Variants in PTPRD observed in about 807,000 individuals in gnomAD.
PTPRD encodes the protein receptor-type tyrosine-protein phosphatase delta.
Under a neutral mutation model 214.5 loss-of-function variants are expected in PTPRD, and 34 were observed. The ratio of observed to expected loss-of-function variants is 0.16; its 90% CI spans 0.12 to 0.21. PTPRD has a LOEUF of 0.21. Among genes scored for constraint, PTPRD ranks in the 10% least tolerant of loss-of-function variants. The probability of loss-of-function intolerance (pLI) is 1.00; values close to 1 mark genes in which losing one functional copy is unlikely to be tolerated. For synonymous variants in PTPRD, 1,128 were observed against 845.7 expected (o/e 1.33, Z -5.79); for missense variants, 2,545 against 2,398.7 (o/e 1.06, Z -1.27).
intron 3 of PTPRD, among the ~76,000 whole-genome samples, chr9:10,202,643 C>T (rs1233031292): frequency 7.6e-6 from 1 of 132,164 alleles, no homozygotes; most frequent in Non-Finnish European, 1.6e-5. Flanking sequence ...GCCATAGCAC[C>T]TGGATGCCTA....
intron 4 of PTPRD, among the ~76,000 whole-genome samples, chr9:9,979,146 G>C (rs1024912838): frequency 2.0e-5 from 3 of 151,884 alleles, no homozygotes; most frequent in Non-Finnish European, 4.4e-5. Context: ...TGTCCTTCAG[G>C]CAGAAGGAAT....
chr9:9,063,118 GA>G (rs1461006819), intron 10 of PTPRD, among the ~76,000 whole-genome samples: 2 of 152,072 alleles, frequency 1.3e-5, no homozygotes, highest in East Asian at 3.9e-4. Context: ...ATTGAGCTGG[GA>G]GTCAAGAGAT....
Position 8,376,100 on chromosome 9 carries a change from A to G in PTPRD, c.4507-10T>C, listed in dbSNP as rs1242321995. On this transcript the variant is annotated splice_polypyrimidine_tract_variant and intron_variant, in intron 38 of 45. Coordinates refer to ENST00000381196, the MANE Select transcript of PTPRD (RefSeq NM_002839.4). The stretch of plus-strand genomic sequence containing the variant: ...TCTCACTTGAACCATTCTGTGAAAT[A>G]GGAATATCAGCTGAAATTCTGTTTT... The G allele has an allele frequency of 1.2e-6, 2 of 1,611,478 alleles. No homozygotes were observed. The highest frequency in any genetic ancestry group is 1.7e-5 in the Admixed American group (1 of 59,704).
At chr9:9,342,878 C>G (rs188456550) in intron 9 of PTPRD, among the ~76,000 whole-genome samples, 1 of 152,068 alleles carries the variant, frequency 6.6e-6, no homozygotes, top group African/African-American at 2.4e-5. Flanking sequence ...ACCCCGCCAA[C>G]AGGCCCCAGT....
At chr9:8,930,908 G>C (rs1468153784) in intron 11 of PTPRD, among the ~76,000 whole-genome samples, 1 of 152,218 alleles carries the variant, frequency 6.6e-6, no homozygotes, top group South Asian at 2.1e-4. Context: ...CCATTCTGTA[G>C]GTCGCCTGTC....
chr9:9,215,843 A>G (rs1034465990), intron 9 of PTPRD, among the ~76,000 whole-genome samples: 24 of 152,326 alleles, frequency 1.6e-4, no homozygotes, highest in Middle Eastern at 3.4e-3. Context: ...CCACAACAGT[A>G]AAATAGTACA....
intron 2 of PTPRD, among the ~76,000 whole-genome samples, chr9:10,525,188 T>C (rs2053866460): frequency 6.6e-6 from 1 of 152,072 alleles, no homozygotes. Flanking sequence ...ATCAGATTTG[T>C]CAAGCCATAT....
chr9:8,629,317 C>G (rs1366538672), intron 14 of PTPRD, among the ~76,000 whole-genome samples: 5 of 151,810 alleles, frequency 3.3e-5, no homozygotes, highest in Non-Finnish European at 7.4e-5. Flanking sequence ...ATGGTGATAT[C>G]TCATTTTCCC....
At chr9:8,537,462 G>A (rs1026602352) in intron 14 of PTPRD, among the ~76,000 whole-genome samples, 2 of 151,906 alleles carry the variant, frequency 1.3e-5, no homozygotes, top group Admixed American at 1.3e-4. Context: ...GGTCCTCTTT[G>A]CAAGTTATTA....
At chr9:8,740,207 T>G (rs1297962287) in intron 11 of PTPRD, among the ~76,000 whole-genome samples, 1 of 152,166 alleles carries the variant, frequency 6.6e-6, no homozygotes, top group East Asian at 1.9e-4. Context: ...AATAAGTGGT[T>G]GAGTATATAA....
intron 3 of PTPRD, among the ~76,000 whole-genome samples, chr9:10,257,399 G>A (rs887629873): frequency 2.6e-5 from 4 of 152,036 alleles, no homozygotes; most frequent in Non-Finnish European, 5.9e-5. Context: ...GCAAACCAGG[G>A]GCATCCTTCT....
intron 14 of PTPRD, among the ~76,000 whole-genome samples, chr9:8,620,805 G>T (rs775670809): frequency 6.6e-6 from 1 of 151,944 alleles, no homozygotes; most frequent in Non-Finnish European, 1.5e-5. Context: ...TCTATATTAA[G>T]CCATGGAGGA....
At chr9:8,557,455 T>TATATATACACACACACATACACATAC in intron 14 of PTPRD, among the ~76,000 whole-genome samples, 1 of 135,640 alleles carries the variant, frequency 7.4e-6, no homozygotes, top group African/African-American at 3.5e-5. Context: ...TATATATATA[T>TATATATACACACACACATACACATAC]ATTTGGGCCG....
intron 2 of PTPRD, among the ~76,000 whole-genome samples, chr9:10,442,600 G>A (rs1184240298): frequency 3.3e-5 from 5 of 151,562 alleles, no homozygotes; most frequent in Non-Finnish European, 5.9e-5. Context: ...TAATAAGGGA[G>A]AGAACTTGGT....
intron 7 of PTPRD, among the ~76,000 whole-genome samples, chr9:9,598,139 C>G (rs184310073): frequency 6.6e-6 from 1 of 151,970 alleles, no homozygotes; most frequent in South Asian, 2.1e-4. Context: ...AAGAGACTCA[C>G]GACTAGAGGC....
At chr9:8,365,421 A>G (rs1002222839) in intron 39 of PTPRD, among the ~76,000 whole-genome samples, 8 of 152,156 alleles carry the variant, frequency 5.3e-5, no homozygotes, top group African/African-American at 1.9e-4. Context: ...CATTTTTGAG[A>G]ATGGACTTTT....
In PTPRD at chr9:10,272,003, G is replaced by GC. The variant is rs201627900; in HGVS notation, c.-545+68959_-545+68960insG. ...CATATCATTCATCCATTTAAAATAT[G>GC]AATTTTGTTATATTCACAGAGTTTT... On this transcript the variant is annotated intron_variant, in intron 3 of 45. Coordinates refer to ENST00000381196, the MANE Select transcript of PTPRD (RefSeq NM_002839.4). 5.5e-3 allele frequency among the ~76,000 whole-genome samples: 835 copies of GC among 152,094 alleles called. 8 individuals are homozygous for GC. Among genetic ancestry groups the GC allele is most frequent in the East Asian group, 0.033 (169 of 5,168 alleles).
intron 6 of PTPRD, among the ~76,000 whole-genome samples, chr9:9,757,943 C>A (rs2098603926): frequency 6.6e-6 from 1 of 151,938 alleles, no homozygotes; most frequent in African/African-American, 2.4e-5. Context: ...TTCCTAGAAC[C>A]CCCGAATCTC....
intron 8 of PTPRD, among the ~76,000 whole-genome samples, chr9:9,424,907 C>T (rs928641581): frequency 4.6e-5 from 7 of 152,124 alleles, no homozygotes; most frequent in African/African-American, 1.7e-4. Context: ...ATCCTGTATA[C>T]CTATATCAAT....
Sources: allele counts gnomAD v4.1 joint callset (sites outside exome capture counted in the v4.1 genomes callset), GRCh38; gene constraint gnomAD v4.1.1; transcripts MANE v1.5; gene names NCBI Gene and HGNC (gene_info 2026-07-23, HGNC 2026-07-21).